Variants in TWSG1 observed in about 807,000 individuals in gnomAD.
The protein encoded by TWSG1 is twisted gastrulation BMP signaling modulator 1.
In TWSG1, 15 loss-of-function variants were observed where a neutral mutation model predicts 23.0. The observed-to-expected ratio is 0.65, with a 90% CI of 0.44 to 1.00. TWSG1 has a LOEUF of 1.00. TWSG1 is among the 50% of genes least tolerant of loss of function. The pLI, the probability that TWSG1 is intolerant of heterozygous loss-of-function variation, is 0.00. For synonymous variants in TWSG1, 86 were observed against 92.8 expected, an observed-to-expected ratio of 0.93 and a Z score of 0.42; for missense variants, 242 against 278.7, an observed-to-expected ratio of 0.87 and a Z score of 0.94.
intron 2 of TWSG1, among the ~76,000 whole-genome samples, chr18:9,349,251 A>G (rs1437231760): frequency 6.6e-6 from 1 of 152,196 alleles, no homozygotes; most frequent in Non-Finnish European, 1.5e-5. Context: ...ATATTATGCT[A>G]TACCCCAGAA....
chr18:9,369,657 C>A (rs559837821), intron 3 of TWSG1, among the ~76,000 whole-genome samples: 4 of 152,100 alleles, frequency 2.6e-5, no homozygotes, highest in Middle Eastern at 3.4e-3. Flanking sequence ...GGTCTTCTTC[C>A]GTTGCTCAGG....
intron 3 of TWSG1, among the ~76,000 whole-genome samples, chr18:9,366,483 G>A (rs1421231630): frequency 6.6e-6 from 1 of 152,230 alleles, no homozygotes; most frequent in East Asian, 1.9e-4. Context: ...CCTTAATCCT[G>A]CTCTTTGTTA....
intron 3 of TWSG1, among the ~76,000 whole-genome samples, chr18:9,374,270 A>G (rs775502063): frequency 1.3e-5 from 2 of 152,226 alleles, no homozygotes; most frequent in Admixed American, 6.5e-5. Context: ...AAACAGTTCA[A>G]TAAAATGGAT....
rs538104426 is a variant in TWSG1 at position 9,337,463 on chromosome 18, G to C, written c.123+111G>C. 32 of 1,018,270 alleles carry C rather than the reference G, an allele frequency of 3.1e-5. 1 individual carries two copies. In the Middle Eastern group the frequency reaches 9.8e-4, roughly 31 times the overall value. 63.1% of individuals were successfully genotyped at this position (1,018,270 alleles called of 1,614,324 possible). A position where few individuals can be genotyped will look rare whatever the true frequency, so the allele number is the denominator to read the frequency against. ...TCATATAGAGTAAGACCTGAGTATT[G>C]GGTCAGGGCCTGAGGTACTGAATCA... On this transcript the variant is annotated intron_variant, in intron 2 of 4. Transcript: ENST00000262120.
At chr18:9,339,473 A>G (rs1218967875) in intron 2 of TWSG1, among the ~76,000 whole-genome samples, 1 of 152,080 alleles carries the variant, frequency 6.6e-6, no homozygotes, top group African/African-American at 2.4e-5. Context: ...TGGTAGAGAC[A>G]GGGTTTTGCC....
chr18:9,365,216 G>C (rs1270251429), intron 3 of TWSG1, among the ~76,000 whole-genome samples: 1 of 152,116 alleles, frequency 6.6e-6, no homozygotes, highest in Non-Finnish European at 1.5e-5. Flanking sequence ...CCAGCTACTT[G>C]GGAGGTTAAG....
At chr18:9,338,428 CTGCAGT>C in intron 2 of TWSG1, among the ~76,000 whole-genome samples, 2 of 152,304 alleles carry the variant, frequency 1.3e-5, no homozygotes, top group African/African-American at 4.8e-5. Context: ...TGAGTAGTTA[CTGCAGT>C]CACTACCTCA....
At chr18:9,361,300 A>G (rs1242166167) in intron 3 of TWSG1, among the ~76,000 whole-genome samples, 1 of 151,906 alleles carries the variant, frequency 6.6e-6, no homozygotes, top group Admixed American at 6.6e-5. Context: ...TATTTTTCTT[A>G]TCTTTATGGG....
intron 3 of TWSG1, among the ~76,000 whole-genome samples, chr18:9,373,856 T>C (rs957790510): frequency 3.9e-5 from 6 of 152,206 alleles, no homozygotes; most frequent in Admixed American, 3.3e-4. Context: ...CTACAATGTC[T>C]GCTCTCAGAC....
At chr18:9,342,809 A>G (rs765154120) in intron 2 of TWSG1, among the ~76,000 whole-genome samples, 3 of 152,170 alleles carry the variant, frequency 2.0e-5, no homozygotes, top group Non-Finnish European at 2.9e-5. Context: ...CATGCCCTCA[A>G]GTAACTTCCT....
chr18:9,370,601 G>T (rs1442487132), intron 3 of TWSG1, among the ~76,000 whole-genome samples: 1 of 152,094 alleles, frequency 6.6e-6, no homozygotes, highest in Non-Finnish European at 1.5e-5. Flanking sequence ...AGTCATTTAG[G>T]CCTATTCAGA....
chr18:9,351,622 G>GTTTTTTTTTTTTTTTTTTTTTTTTTTTT (rs71168051), intron 2 of TWSG1, among the ~76,000 whole-genome samples: 1 of 116,608 alleles, frequency 8.6e-6, no homozygotes, highest in Non-Finnish European at 1.8e-5. Flanking sequence ...ACCATGCTGG[G>GTTTTTTTTTTTTTTTTTTTTTTTTTTTT]TTTTTTTTTT....
intron 3 of TWSG1, among the ~76,000 whole-genome samples, chr18:9,367,016 C>T: frequency 6.6e-6 from 1 of 152,042 alleles, no homozygotes; most frequent in South Asian, 2.1e-4. Flanking sequence ...GATGCTATCA[C>T]ACCTCACTGC....
Position 9,398,619 on chromosome 18 carries a change from G to A in TWSG1, c.491-727G>A, listed in dbSNP as rs533388360. ...GTTACAGGTACCCACCACCATGCCC[G>A]GTTAATTTTTTTAATTTTTAGTAGA... On this transcript the variant is annotated intron_variant, in intron 4 of 4. Coordinates refer to ENST00000262120, the MANE Select transcript of TWSG1 (RefSeq NM_020648.6). Among the ~76,000 whole-genome samples the A allele has an allele frequency of 6.9e-4, 105 of 151,944 alleles. 1 individual carries two copies. In the South Asian group the frequency reaches 0.021, roughly 30 times the overall value.
intron 3 of TWSG1, among the ~76,000 whole-genome samples, chr18:9,384,732 G>A (rs1230238850): frequency 1.3e-5 from 2 of 150,768 alleles, no homozygotes; most frequent in Admixed American, 1.3e-4. Context: ...TGCAACCTCC[G>A]TCTCCTGGGT....
chr18:9,353,492 T>C (rs1295310910), intron 2 of TWSG1, among the ~76,000 whole-genome samples: 1 of 152,260 alleles, frequency 6.6e-6, no homozygotes, highest in East Asian at 1.9e-4. Flanking sequence ...TACTGGTCAA[T>C]AGAGAGTAGC....
chr18:9,372,355 A>C (rs1292091198), intron 3 of TWSG1, among the ~76,000 whole-genome samples: 1 of 95,776 alleles, frequency 1.0e-5, no homozygotes, highest in Non-Finnish European at 2.0e-5. Flanking sequence ...TATAGCAATA[A>C]TATGGTAATA....
At chr18:9,346,749 C>T (rs1029975443) in intron 2 of TWSG1, among the ~76,000 whole-genome samples, 5 of 152,286 alleles carry the variant, frequency 3.3e-5, no homozygotes, top group African/African-American at 4.8e-5. Context: ...GATAACCAAG[C>T]GAGACCCTGT....
chr18:9,394,408 A>G (rs2040725527), intron 3 of TWSG1, among the ~76,000 whole-genome samples: 1 of 152,178 alleles, frequency 6.6e-6, no homozygotes, highest in African/African-American at 2.4e-5. Context: ...AGAGGCTGAG[A>G]AGGATAGGAG....
Sources: gnomAD v4.1 joint callset for allele counts (sites outside exome capture counted in the v4.1 genomes callset) on GRCh38, gnomAD v4.1.1 for gene constraint, MANE v1.5 for transcripts, NCBI Gene and HGNC (gene_info 2026-07-23, HGNC 2026-07-21) for gene names.